FOXP2: variants seen among roughly 807,000 people sequenced by gnomAD.
FOXP2 encodes the protein forkhead box P2.
Under a neutral mutation model 115.8 loss-of-function variants are expected in FOXP2, and 12 were observed. The ratio of observed to expected loss-of-function variants is 0.10; its 90% confidence interval spans 0.07 to 0.17. The LOEUF is 0.17. Among genes scored for constraint, FOXP2 ranks in the 10% least tolerant of loss-of-function variants. FOXP2 has a pLI of 1.00. For missense variants in FOXP2, 629 were observed against 843.5 expected (o/e 0.75, Z 3.15); for synonymous variants, 328 against 297.7 (o/e 1.10, Z -1.05).
intron 3 of FOXP2, chr7:114,570,852 G>A (rs781352228): frequency 3.7e-6 from 6 of 1,611,916 alleles, no homozygotes; most frequent in South Asian, 1.1e-5. Flanking sequence ...CCACTCTTCT[G>A]GTGATGGGCA....
chr7:114,095,399 A>G (rs918364410), intron 1 of FOXP2, among the ~76,000 whole-genome samples: 1 of 152,182 alleles, frequency 6.6e-6, no homozygotes, highest in Non-Finnish European at 1.5e-5. Context: ...ACAAAGAAAA[A>G]TGACCACAGT....
At chr7:114,483,175 C>CTCCACCTCATTGAAAAAACATCAT (rs1796630716) in intron 2 of FOXP2, among the ~76,000 whole-genome samples, 2 of 151,444 alleles carry the variant, frequency 1.3e-5, no homozygotes, top group Non-Finnish European at 3.0e-5. Flanking sequence ...TTCTCACTTA[C>CTCCACCTCATTGAAAAAACATCAT]TCCACCTCAT....
chr7:114,605,066 A>G (rs1156640448), intron 3 of FOXP2, among the ~76,000 whole-genome samples: 2 of 152,218 alleles, frequency 1.3e-5, no homozygotes, highest in Non-Finnish European at 2.9e-5. Flanking sequence ...TACAAATAGT[A>G]TTAACAAACC....
At chr7:114,313,945 C>CT (rs1005269984) in intron 2 of FOXP2, among the ~76,000 whole-genome samples, 3 of 151,882 alleles carry the variant, frequency 2.0e-5, no homozygotes, top group African/African-American at 7.2e-5. Context: ...GAAAGTCTGG[C>CT]TCCATTAGTG....
chr7:114,521,189 T>C (rs1798605726), intron 2 of FOXP2, among the ~76,000 whole-genome samples: 1 of 152,140 alleles, frequency 6.6e-6, no homozygotes, highest in Non-Finnish European at 1.5e-5. Context: ...TTAGTAAATA[T>C]TTAAAAGATT....
At chr7:114,591,201 C>T (rs952160434) in intron 3 of FOXP2, among the ~76,000 whole-genome samples, 20 of 152,086 alleles carry the variant, frequency 1.3e-4, no homozygotes, top group African/African-American at 4.8e-4. Flanking sequence ...CACCGATTAC[C>T]TTGACCATTG....
intron 1 of FOXP2, among the ~76,000 whole-genome samples, chr7:114,422,794 G>C (rs1219097952): frequency 6.6e-6 from 1 of 151,608 alleles, no homozygotes; most frequent in Non-Finnish European, 1.5e-5. Context: ...TATCACTCTG[G>C]CATGTAACTA....
chr7:114,415,068 C>T lies in FOXP2; in HGVS notation c.-303C>T, dbSNP rs899413577. On this transcript the variant is annotated 5_prime_UTR_variant, in exon 1 of 17. In the 5' UTR this introduces an upstream ATG that the reference lacks. Transcript: ENST00000350908. ...AGTGATTAAATGCTGATTTTGTGTA[C>T]GATTGTCCACGGACGCCAAAACAAT... is the stretch of plus-strand genomic sequence containing the variant. The T allele has an allele frequency of 3.3e-5, 15 of 454,012 alleles. No individual in the cohort carries two copies. The East Asian group carries it at 4.2e-4, about 13-fold the overall frequency. 28.1% of individuals were successfully genotyped at this position (454,012 alleles called of 1,614,324 possible).
chr7:114,329,644 T>TTTTATTTATTTA (rs138684494), intron 2 of FOXP2, among the ~76,000 whole-genome samples: 2 of 147,450 alleles, frequency 1.4e-5, no homozygotes, highest in African/African-American at 5.0e-5. Context: ...ACTATGTAAG[T>TTTTATTTATTTA]TTTATTTATT....
chr7:114,438,841 A>G (rs1489786332), intron 2 of FOXP2, among the ~76,000 whole-genome samples: 1 of 152,130 alleles, frequency 6.6e-6, no homozygotes, highest in Non-Finnish European at 1.5e-5. Flanking sequence ...TTAACCTCAA[A>G]CAAACCCATT....
At chr7:114,516,782 G>A (rs894278629) in intron 2 of FOXP2, among the ~76,000 whole-genome samples, 2 of 151,598 alleles carry the variant, frequency 1.3e-5, no homozygotes, top group African/African-American at 2.4e-5. Context: ...TGCAACCTCT[G>A]CCTCCCAGGT....
In FOXP2 at chr7:114,652,319, T is replaced by G. The variant is rs1283549531; in HGVS notation, c.1182+29T>G. 3.1e-6 allele frequency: 5 copies of G among 1,594,892 alleles called. No individual in the cohort carries two copies. In the Admixed American group the frequency reaches 8.4e-5, roughly 27 times the overall value. On this transcript the variant is annotated intron_variant, in intron 9 of 16. Coordinates refer to ENST00000350908, the MANE Select transcript of FOXP2 (RefSeq NM_014491.4). Reference sequence around the variant, plus strand: ...TGTTAAATGCTCACTTAATGGACTCTTCTTAGATTTCTGGTGTGTTACATT... The same window carrying G: ...TGTTAAATGCTCACTTAATGGACTCGTCTTAGATTTCTGGTGTGTTACATT...
At chr7:114,495,737 C>T (rs1000978102) in intron 2 of FOXP2, among the ~76,000 whole-genome samples, 3 of 151,866 alleles carry the variant, frequency 2.0e-5, no homozygotes, top group Non-Finnish European at 2.9e-5. Flanking sequence ...GAACTCCTGA[C>T]CTCAGATGAT....
chr7:114,497,409 A>T (rs890024553), intron 2 of FOXP2, among the ~76,000 whole-genome samples: 3 of 152,170 alleles, frequency 2.0e-5, no homozygotes, highest in Admixed American at 1.3e-4. Flanking sequence ...GCACTTTGAG[A>T]GGCCGAGGCA....
At chr7:114,133,991 A>T (rs1791959478) in intron 1 of FOXP2, among the ~76,000 whole-genome samples, 1 of 152,130 alleles carries the variant, frequency 6.6e-6, no homozygotes, top group Non-Finnish European at 1.5e-5. Flanking sequence ...CACAAAACAG[A>T]CTAAGACAGC....
chr7:114,548,634 A>G (rs1800051560), intron 3 of FOXP2, among the ~76,000 whole-genome samples: 1 of 152,174 alleles, frequency 6.6e-6, no homozygotes, highest in Non-Finnish European at 1.5e-5. Context: ...AAGTTTTAAT[A>G]TTTTTATTTA....
chr7:114,401,689 C>T (rs1042154577), intron 2 of FOXP2, among the ~76,000 whole-genome samples: 1 of 152,086 alleles, frequency 6.6e-6, no homozygotes, highest in Non-Finnish European at 1.5e-5. Flanking sequence ...GATCTCTCAC[C>T]CATGGCTAAA....
chr7:114,221,028 G>A (rs559283713), intron 1 of FOXP2, among the ~76,000 whole-genome samples: 2 of 152,224 alleles, frequency 1.3e-5, no homozygotes, highest in East Asian at 3.9e-4. Context: ...AATTTGCAGT[G>A]TCTGGTGATT....
intron 8 of FOXP2, among the ~76,000 whole-genome samples, chr7:114,646,224 A>T (rs558394881): frequency 7.2e-5 from 11 of 152,020 alleles, no homozygotes; most frequent in Non-Finnish European, 1.5e-4. Context: ...TTTTTTTAAG[A>T]ATGGCAAATT....
Sources: gnomAD v4.1 joint callset for allele counts (sites outside exome capture counted in the v4.1 genomes callset) on GRCh38, gnomAD v4.1.1 for gene constraint, MANE v1.5 for transcripts, NCBI Gene and HGNC (gene_info 2026-07-23, HGNC 2026-07-21) for gene names.